The following SPTLC3 variants were observed in gnomAD, a reference collection of about 807,000 sequenced individuals.
The protein encoded by SPTLC3 is serine palmitoyltransferase 3.
SPTLC3 carries 36 observed loss-of-function variants against 59.3 expected under a neutral mutation model. The ratio of observed to expected loss-of-function variants is 0.61; its 90% confidence interval spans 0.47 to 0.80. The LOEUF is 0.80. Ranked by LOEUF, SPTLC3 falls within the 30% of genes least tolerant of loss-of-function variation. The pLI is 0.00. For synonymous variants in SPTLC3, 257 were observed against 240.8 expected, an observed-to-expected ratio of 1.07 and a Z score of -0.62; for missense variants, 625 against 685.1, an observed-to-expected ratio of 0.91 and a Z score of 0.98.
At chr20:13,093,669 GAC>G in intron 6 of SPTLC3, 92 bp downstream of exon 6, 2 of 1,154,504 alleles carry the variant, frequency 1.7e-6, no homozygotes, top group East Asian at 4.9e-5. Context: ...TCTTCAAGGT[GAC>G]AACGTAGCCT....
intron 11 of SPTLC3, among the ~76,000 whole-genome samples, chr20:13,162,704 G>A (rs998261733): frequency 5.3e-5 from 8 of 152,128 alleles, no homozygotes; most frequent in South Asian, 2.1e-4. Context: ...CTCTAGCCTC[G>A]CTTTCATTCT....
chr20:13,089,032 T>C (rs1252331212), intron 4 of SPTLC3, among the ~76,000 whole-genome samples: 1 of 152,162 alleles, frequency 6.6e-6, no homozygotes, highest in East Asian at 1.9e-4. Flanking sequence ...AGGCCACAGA[T>C]CACCAAGTGC....
At chr20:13,143,964 C>T (rs555259945) in intron 9 of SPTLC3, among the ~76,000 whole-genome samples, 4 of 152,210 alleles carry the variant, frequency 2.6e-5, no homozygotes, top group Non-Finnish European at 4.4e-5. Context: ...GATCCATGCA[C>T]TATACACTAT....
chr20:13,028,474 C>T (rs1986268981), intron 1 of SPTLC3, among the ~76,000 whole-genome samples: 1 of 152,088 alleles, frequency 6.6e-6, no homozygotes, highest in African/African-American at 2.4e-5. Context: ...TCCATAAATT[C>T]ACCCTAAAAG....
At chr20:13,095,504 A>G (rs1989379355) in intron 6 of SPTLC3, among the ~76,000 whole-genome samples, 1 of 152,200 alleles carries the variant, frequency 6.6e-6, no homozygotes, top group Non-Finnish European at 1.5e-5. Context: ...GTAGGTAAGC[A>G]TACATACATA....
intron 2 of SPTLC3, among the ~76,000 whole-genome samples, chr20:13,051,876 G>A (rs1987507272): frequency 6.6e-6 from 1 of 152,112 alleles, no homozygotes; most frequent in African/African-American, 2.4e-5. Flanking sequence ...AAATTAAAAA[G>A]TTCTTTGAAG....
intron 9 of SPTLC3, among the ~76,000 whole-genome samples, chr20:13,133,500 G>A (rs1164009488): frequency 3.3e-5 from 5 of 152,192 alleles, no homozygotes; most frequent in African/African-American, 9.7e-5. Context: ...TTGGGAGGCT[G>A]TGGTGAGTGG....
intron 1 of SPTLC3, among the ~76,000 whole-genome samples, chr20:13,046,236 A>T (rs897339938): frequency 2.0e-5 from 3 of 152,080 alleles, no homozygotes; most frequent in African/African-American, 7.2e-5. Flanking sequence ...TTCAACCATG[A>T]CTTAAACTGT....
In SPTLC3 at chr20:13,117,496, TC is replaced by T; in HGVS notation, c.933-9del. On this transcript the variant is annotated splice_polypyrimidine_tract_variant and intron_variant, in intron 7 of 11. Transcript: ENST00000399002. ...TTTGTTAGTTATGAGCATTTCTCCT[TC>T]TGCCCTAGCATGGAAGGTTCCATCG... 1 of 1,564,900 alleles carries T rather than the reference TC, an allele frequency of 6.4e-7. No homozygotes were observed. Among genetic ancestry groups the T allele is most frequent in the South Asian group, 1.2e-5 (1 of 83,360 alleles).
chr20:13,121,040 T>C (rs1242594136), intron 8 of SPTLC3, among the ~76,000 whole-genome samples: 1 of 152,240 alleles, frequency 6.6e-6, no homozygotes. Context: ...CCTAAGCTGA[T>C]GGGACTAGGT....
chr20:13,072,119 C>A, intron 2 of SPTLC3, 137 bp from the exon 3 acceptor site: 1 of 909,960 alleles, frequency 1.1e-6, no homozygotes, highest in Non-Finnish European at 1.6e-6. Flanking sequence ...ACTTCCCTCA[C>A]CTACTGACCT....
At chr20:13,036,857 G>T (rs1192709489) in intron 1 of SPTLC3, among the ~76,000 whole-genome samples, 1 of 152,062 alleles carries the variant, frequency 6.6e-6, no homozygotes, top group Non-Finnish European at 1.5e-5. Flanking sequence ...ACTCTGATGG[G>T]AACTGACTGA....
chr20:13,072,235 C>A, intron 2 of SPTLC3, 21 bp from the exon 3 acceptor site: 1 of 1,600,636 alleles, frequency 6.2e-7, no homozygotes, highest in Non-Finnish European at 8.5e-7. Context: ...CAGAGATAAC[C>A]TTCTACCTCT....
At chr20:13,131,006 G>C (rs902381392) in intron 9 of SPTLC3, among the ~76,000 whole-genome samples, 2 of 152,192 alleles carry the variant, frequency 1.3e-5, no homozygotes, top group African/African-American at 4.8e-5. Flanking sequence ...GGCAGCGGAA[G>C]GGATCACTCA....
chr20:13,009,144 T>C lies in SPTLC3; in HGVS notation c.-124T>C. 1 of 711,352 alleles carries C rather than the reference T, an allele frequency of 1.4e-6. No homozygotes were observed. The highest frequency in any genetic ancestry group is 2.4e-6 in the Non-Finnish European group (1 of 410,248). The allele number at this position is 711,352 out of a possible 1,614,324, so 44.1% of individuals were successfully genotyped here. On this transcript the variant is annotated 5_prime_UTR_variant, in exon 1 of 12. Transcript: ENST00000399002. ...TTGCTCTTCTTCTGGAAAAGCCTGA[T>C]TGGTAAGATTCCTTTAAGGGCTCAG...
rs199832772 is a variant in SPTLC3, at chr20:13,110,158, C to T, written c.873C>T (p.Gly291=). Residue 291 remains glycine, a synonymous_variant, in exon 7 of 12, where the codon GGC becomes GGT. Coordinates refer to ENST00000399002, the MANE Select transcript of SPTLC3 (RefSeq NM_018327.4). The part of the protein sequence containing the change: ...EKLLRDAVIY[G]QPRTRRAWKK... ...TCCTGAGAGATGCTGTCATCTATGG[C>T]CAGCCTCGAACCCGCAGAGCTTGGA... 9.2e-5 allele frequency: 148 copies of T among 1,613,632 alleles called. No individual in the cohort carries two copies. The African/African-American group carries it at 1.9e-3, about 20-fold the overall frequency.
Position 13,009,066 on chromosome 20 carries a change from T to C in SPTLC3, c.-202T>C, listed in dbSNP as rs1020105661. On this transcript the variant is annotated 5_prime_UTR_variant, in exon 1 of 12. Coordinates refer to ENST00000399002, the MANE Select transcript of SPTLC3 (RefSeq NM_018327.4). ...TCACATTTTGACGGGAGTTGAGAAGTATAAAGGTAACCATTTGTTTTAGTT... is the reference window on the plus strand; with the variant it reads ...TCACATTTTGACGGGAGTTGAGAAGCATAAAGGTAACCATTTGTTTTAGTT... The C allele has an allele frequency of 1.8e-5, 10 of 546,908 alleles. No homozygotes were observed. Among genetic ancestry groups the C allele is most frequent in the African/African-American group, 1.3e-4 (7 of 52,442 alleles). 33.9% of individuals were successfully genotyped at this position (546,908 alleles called of 1,614,324 possible). A position where few individuals can be genotyped will look rare whatever the true frequency, so the allele number is the denominator to read the frequency against.
At chr20:13,164,308 A>C (rs1263840245) in intron 11 of SPTLC3, 1 of 471,014 alleles carries the variant, frequency 2.1e-6, no homozygotes, top group Admixed American at 2.4e-5. Context: ...GAGAGGACAG[A>C]GGATGATGTT....
rs572055268 is a variant in SPTLC3 at position 13,064,179 on chromosome 20, G to A, written c.304-8077G>A. The stretch of plus-strand genomic sequence containing the variant: ...CGAGTAGCTGGGATTACAGGCATGA[G>A]CCACCGCACCTGGCCAATTTTTTTT... On this transcript the variant is annotated intron_variant, in intron 2 of 11. Coordinates refer to ENST00000399002, the MANE Select transcript of SPTLC3 (RefSeq NM_018327.4). 4.0e-5 allele frequency among the ~76,000 whole-genome samples: 6 copies of A among 151,168 alleles called. No individual in the cohort carries two copies. In the South Asian group the frequency reaches 1.3e-3, roughly 32 times the overall value.
Sources: allele counts gnomAD v4.1 joint callset (sites outside exome capture counted in the v4.1 genomes callset), GRCh38; gene constraint gnomAD v4.1.1; transcripts MANE v1.5; gene names NCBI Gene and HGNC (gene_info 2026-07-23, HGNC 2026-07-21).